The following CDH12 variants were observed in gnomAD, a reference collection of about 807,000 sequenced individuals.
CDH12 encodes the protein cadherin 12.
A neutral mutation model predicts 74.1 loss-of-function variants in CDH12; 41 were observed. The ratio of observed to expected loss-of-function variants is 0.55; its 90% CI spans 0.43 to 0.72. CDH12 has a LOEUF of 0.72. Among genes scored for constraint, CDH12 ranks in the 30% least tolerant of loss-of-function variants. The pLI, the probability that CDH12 is intolerant of heterozygous loss-of-function variation, is 0.00. For missense variants in CDH12, 945 were observed against 977.2 expected (o/e 0.97, Z 0.44); for synonymous variants, 399 against 355.0 (o/e 1.12, Z -1.39).
In CDH12 at chr5:22,710,707, A is replaced by G. The variant is rs1483334752; in HGVS notation, c.-523+142351T>C. 2.6e-5 allele frequency among the ~76,000 whole-genome samples: 4 copies of G among 152,168 alleles called. No homozygotes were observed. The East Asian group carries it at 7.7e-4, about 29-fold the overall frequency. ...GTCTCCCATCCCAGAATTAGAGAAT[A>G]TTAAAAGTCTACTTCACAATTAGTT... On this transcript the variant is annotated intron_variant, in intron 1 of 14. Coordinates refer to ENST00000382254, the MANE Select transcript of CDH12 (RefSeq NM_004061.5).
rs985337018 is a variant in CDH12, at chr5:22,087,586, C to T, written c.-186-8724G>A. 9.9e-5 allele frequency among the ~76,000 whole-genome samples: 15 copies of T among 151,920 alleles called. No individual in the cohort carries two copies. The East Asian group carries it at 2.1e-3, about 22-fold the overall frequency. ...AACCCAGAAAGCAAAGGTTGCAGTGCGCCGCAATCATGCCACTGCACTCCA... is the reference window on the plus strand; with the variant it reads ...AACCCAGAAAGCAAAGGTTGCAGTGTGCCGCAATCATGCCACTGCACTCCA... On this transcript the variant is annotated intron_variant, in intron 4 of 14. Coordinates refer to ENST00000382254, the MANE Select transcript of CDH12 (RefSeq NM_004061.5).
chr5:22,478,529 A>G (rs1464351152), intron 2 of CDH12, among the ~76,000 whole-genome samples: 2 of 152,114 alleles, frequency 1.3e-5, no homozygotes, highest in African/African-American at 4.8e-5. Context: ...AACCATAACT[A>G]AAAGAGAAGT....
intron 3 of CDH12, among the ~76,000 whole-genome samples, chr5:22,290,906 C>G (rs573203062): frequency 1.3e-5 from 2 of 152,098 alleles, no homozygotes; most frequent in African/African-American, 4.8e-5. Flanking sequence ...ATGTCTTCAA[C>G]GATGACTTCT....
At chr5:22,369,519 T>C (rs1741180592) in intron 3 of CDH12, among the ~76,000 whole-genome samples, 1 of 152,166 alleles carries the variant, frequency 6.6e-6, no homozygotes, top group African/African-American at 2.4e-5. Context: ...AAAAAATCAA[T>C]TCATGCCTTT....
At chr5:22,827,679 G>A (rs932625322) in intron 1 of CDH12, among the ~76,000 whole-genome samples, 1 of 152,076 alleles carries the variant, frequency 6.6e-6, no homozygotes, top group Admixed American at 6.6e-5. Flanking sequence ...AGTATACATG[G>A]CATTAATCAT....
chr5:22,472,013 G>A (rs1235267973), intron 2 of CDH12, among the ~76,000 whole-genome samples: 2 of 152,136 alleles, frequency 1.3e-5, no homozygotes, highest in Non-Finnish European at 2.9e-5. Flanking sequence ...GAAAATTACT[G>A]AGAGGAGACA....
intron 2 of CDH12, among the ~76,000 whole-genome samples, chr5:22,439,061 A>G (rs34110937): frequency 0.021 from 3,171 of 151,990 alleles, 48 homozygotes; most frequent in South Asian, 0.029. Context: ...CACAATGTAA[A>G]TTGAGGATCA....
Position 22,315,127 on chromosome 5 carries a change from T to TTTTTTTTTTTC in CDH12, c.-333+90129_-333+90130insGAAAAAAAAAA. On this transcript the variant is annotated intron_variant, in intron 3 of 14. Transcript: ENST00000382254. ...CCACCGTGCCTGCCTGGCTTTTTTT[T>TTTTTTTTTTTC]TTTTTTTTTTTTTTTTAGTAGAGAC... Among the ~76,000 whole-genome samples the TTTTTTTTTTTC allele has an allele frequency of 1.8e-5, 2 of 108,900 alleles. 1 individual carries two copies. The highest frequency in any genetic ancestry group is 3.8e-5 in the Non-Finnish European group (2 of 52,598). The allele number at this position is 108,900 out of a possible 152,430, so 71.4% of individuals were successfully genotyped here.
At chr5:22,753,008 C>T (rs914559787) in intron 1 of CDH12, among the ~76,000 whole-genome samples, 2 of 151,946 alleles carry the variant, frequency 1.3e-5, no homozygotes, top group Non-Finnish European at 2.9e-5. Flanking sequence ...GGAATAGAGA[C>T]GTAGGGAAGG....
chr5:22,662,079 A>G (rs937246631), intron 1 of CDH12, among the ~76,000 whole-genome samples: 3 of 152,190 alleles, frequency 2.0e-5, no homozygotes, highest in Non-Finnish European at 2.9e-5. Context: ...AACTCTAAGT[A>G]GCAACATGAC....
chr5:21,953,853 GA>G (rs983292959), intron 6 of CDH12, among the ~76,000 whole-genome samples: 5 of 151,426 alleles, frequency 3.3e-5, no homozygotes, highest in African/African-American at 1.2e-4. Context: ...ATTTATTTAA[GA>G]AAAAAAATTA....
chr5:22,804,690 G>A (rs1216451879), intron 1 of CDH12, among the ~76,000 whole-genome samples: 2 of 152,122 alleles, frequency 1.3e-5, no homozygotes, highest in Admixed American at 1.3e-4. Flanking sequence ...TCAACTGATT[G>A]TATATCTTAA....
rs539136983 is a variant in CDH12 at position 22,441,853 on chromosome 5, G to A, written c.-427-36502C>T. On this transcript the variant is annotated intron_variant, in intron 2 of 14. Coordinates refer to ENST00000382254, the MANE Select transcript of CDH12 (RefSeq NM_004061.5). ...CAAGTAGCTGGGATTAAAGGCGTCT[G>A]CCACCATGCCTGGCTATTTTTTGTA... Among the ~76,000 whole-genome samples, 7 of 152,100 alleles carry A rather than the reference G, an allele frequency of 4.6e-5. No homozygotes were observed. The East Asian group carries it at 9.7e-4, about 21-fold the overall frequency.
At chr5:22,217,754 A>G (rs560025792) in intron 3 of CDH12, among the ~76,000 whole-genome samples, 35 of 151,876 alleles carry the variant, frequency 2.3e-4, no homozygotes, top group African/African-American at 7.9e-4. Context: ...ATGCCATTAA[A>G]CAAATGGACA....
rs1744612942 is a variant in CDH12 at position 22,441,320 on chromosome 5, G to T, written c.-427-35969C>A. Among the ~76,000 whole-genome samples, 4 of 152,128 alleles carry T rather than the reference G, an allele frequency of 2.6e-5. No individual in the cohort carries two copies. In the South Asian group the frequency reaches 8.3e-4, roughly 31 times the overall value. The stretch of plus-strand genomic sequence containing the variant: ...TGGAAAGCTGGTTTTAAAACCAATA[G>T]ATGGACAATATTTATCTGAAAGTGT... On this transcript the variant is annotated intron_variant, in intron 2 of 14. Transcript: ENST00000382254.
chr5:22,487,116 C>T (rs1251470563), intron 2 of CDH12, among the ~76,000 whole-genome samples: 7 of 151,702 alleles, frequency 4.6e-5, no homozygotes, highest in African/African-American at 1.5e-4. Context: ...GATTCTCCTG[C>T]CTCAGCCTCC....
intron 1 of CDH12, among the ~76,000 whole-genome samples, chr5:22,639,735 C>T (rs1384404581): frequency 1.3e-5 from 2 of 152,134 alleles, no homozygotes; most frequent in Non-Finnish European, 2.9e-5. Context: ...CACTAATTAG[C>T]CCCATTCTGC....
chr5:22,463,331 A>G (rs2551486), intron 2 of CDH12, among the ~76,000 whole-genome samples: 65,060 of 151,978 alleles, frequency 0.43, 14,396 homozygotes, highest in Admixed American at 0.61. Flanking sequence ...CTAAAAGCCT[A>G]CTCAATGAAA....
At chr5:21,862,871 C>T (rs1204889069) in intron 6 of CDH12, among the ~76,000 whole-genome samples, 1 of 152,104 alleles carries the variant, frequency 6.6e-6, no homozygotes, top group East Asian at 1.9e-4. Context: ...ATTGTCTTAA[C>T]AGGTTGAGGT....
Sources: allele counts gnomAD v4.1 joint callset (sites outside exome capture counted in the v4.1 genomes callset), GRCh38; gene constraint gnomAD v4.1.1; transcripts MANE v1.5; gene names NCBI Gene and HGNC (gene_info 2026-07-23, HGNC 2026-07-21).